PARVA: variants seen among roughly 807,000 people sequenced by gnomAD.
PARVA encodes alpha-parvin.
PARVA carries 25 observed loss-of-function variants against 52.6 expected under a neutral mutation model. That is an observed-to-expected ratio of 0.48 (90% CI 0.35 to 0.66). The LOEUF is 0.66. Among genes scored for constraint, PARVA ranks in the 30% least tolerant of loss-of-function variants. PARVA has a pLI of 0.01. For missense variants in PARVA, 373 were observed against 450.9 expected (o/e 0.83, Z 1.56); for synonymous variants, 185 against 179.1 (o/e 1.03, Z -0.26).
intron 4 of PARVA, among the ~76,000 whole-genome samples, chr11:12,486,769 C>T (rs1019029395): frequency 2.0e-5 from 3 of 152,044 alleles, no homozygotes; most frequent in African/African-American, 4.8e-5. Context: ...TCACTTGAGC[C>T]CAGGAGGCAG....
At chr11:12,449,283 C>T (rs7109714) in intron 1 of PARVA, among the ~76,000 whole-genome samples, 3,670 of 152,090 alleles carry the variant, frequency 0.024, 78 homozygotes, top group South Asian at 0.075. Flanking sequence ...CCTCCCTCCA[C>T]GGTAGCTGGG....
chr11:12,411,007 AG>A (rs1337956999), intron 1 of PARVA, among the ~76,000 whole-genome samples: 3 of 152,174 alleles, frequency 2.0e-5, no homozygotes, highest in African/African-American at 7.2e-5. Context: ...CTAGTTCATG[AG>A]GCTGTTGTGG....
At chr11:12,415,392 T>G (rs1940052032) in intron 1 of PARVA, among the ~76,000 whole-genome samples, 1 of 152,168 alleles carries the variant, frequency 6.6e-6, no homozygotes, top group African/African-American at 2.4e-5. Context: ...ACCCTGCATT[T>G]AAGACATACC....
chr11:12,513,233 C>A (rs1471336031), intron 8 of PARVA, 66 bp from the exon 9 acceptor site: 30 of 1,447,866 alleles, frequency 2.1e-5, no homozygotes, highest in Non-Finnish European at 2.7e-5. Flanking sequence ...GGCTCTGGGA[C>A]CCAAGGTGGG....
intron 1 of PARVA, among the ~76,000 whole-genome samples, chr11:12,428,415 G>A (rs1486314351): frequency 1.3e-5 from 2 of 152,194 alleles, no homozygotes; most frequent in Non-Finnish European, 2.9e-5. Context: ...ATGCAGACAT[G>A]TATGCTTCAA....
chr11:12,525,059 G>A (rs1452676084), intron 12 of PARVA, among the ~76,000 whole-genome samples: 1 of 152,210 alleles, frequency 6.6e-6, no homozygotes, highest in East Asian at 1.9e-4. Context: ...ATAGGCGGAG[G>A]CCAAGCATGG....
At chr11:12,381,753 G>T (rs1367546798) in intron 1 of PARVA, among the ~76,000 whole-genome samples, 2 of 152,190 alleles carry the variant, frequency 1.3e-5, no homozygotes, top group Non-Finnish European at 2.9e-5. Flanking sequence ...AAATACGTTT[G>T]CAAAACTGTG....
At chr11:12,455,717 G>A (rs1172628634) in intron 1 of PARVA, among the ~76,000 whole-genome samples, 1 of 152,120 alleles carries the variant, frequency 6.6e-6, no homozygotes, top group Non-Finnish European at 1.5e-5. Flanking sequence ...TTTATTTAGA[G>A]ACCACAGTCC....
At chr11:12,421,460 T>G (rs1940148843) in intron 1 of PARVA, among the ~76,000 whole-genome samples, 1 of 152,184 alleles carries the variant, frequency 6.6e-6, no homozygotes, top group South Asian at 2.1e-4. Context: ...CAACAGATTT[T>G]TTTTCTTTAA....
In PARVA at chr11:12,460,952, G is replaced by A. The variant is rs376020504; in HGVS notation, c.137-12793G>A. 6.6e-5 allele frequency among the ~76,000 whole-genome samples: 10 copies of A among 152,280 alleles called. No homozygotes were observed. The South Asian group carries it at 1.7e-3, about 25-fold the overall frequency. On this transcript the variant is annotated intron_variant, in intron 1 of 12. Coordinates refer to ENST00000334956, the MANE Select transcript of PARVA (RefSeq NM_018222.5). ...TGCTGCCTCAACCCTGGAAGAGTAC[G>A]CTGCTCTCAGGACTTGGTTCAGGAC...
chr11:12,490,269 A>T (rs1434327379), intron 4 of PARVA, among the ~76,000 whole-genome samples: 2 of 150,988 alleles, frequency 1.3e-5, no homozygotes, highest in African/African-American at 4.9e-5. Flanking sequence ...CACGCCTGTA[A>T]TCCCAGCACT....
chr11:12,533,808 C>CGGAGGAGGAGGA lies in PARVA; in HGVS notation c.*5897_*5908dup, dbSNP rs1554904930. Among the ~76,000 whole-genome samples, 1 of 150,164 alleles carries CGGAGGAGGAGGA rather than the reference C, an allele frequency of 6.7e-6. No homozygotes were observed. Among genetic ancestry groups the CGGAGGAGGAGGA allele is most frequent in the Non-Finnish European group, 1.5e-5 (1 of 67,750 alleles). Reference sequence around the variant, plus strand: ...CCTCATGGTCATCACATTGAGTAGGCGGAGGAGGAGGAGGAGGAGGAGGAG... The same window carrying CGGAGGAGGAGGA: ...CCTCATGGTCATCACATTGAGTAGGCGGAGGAGGAGGAGGAGGAGGAGGAGGAGGAGGAGGAG... On this transcript the variant is annotated 3_prime_UTR_variant, in exon 13 of 13. Transcript: ENST00000334956.
chr11:12,386,993 G>T (rs1939580932), intron 1 of PARVA, among the ~76,000 whole-genome samples: 1 of 152,152 alleles, frequency 6.6e-6, no homozygotes, highest in African/African-American at 2.4e-5. Context: ...TTGTCTCATG[G>T]AATATCTCTA....
intron 5 of PARVA, among the ~76,000 whole-genome samples, chr11:12,503,041 G>A (rs577838369): frequency 6.6e-6 from 1 of 152,232 alleles, no homozygotes; most frequent in South Asian, 2.1e-4. Context: ...CATCTAGTGA[G>A]AAAACTACAA....
intron 5 of PARVA, among the ~76,000 whole-genome samples, chr11:12,496,985 G>C (rs1424272695): frequency 6.6e-6 from 1 of 152,152 alleles, no homozygotes; most frequent in African/African-American, 2.4e-5. Context: ...CTGAGAAGCA[G>C]GGAGCAAGGA....
chr11:12,496,554 A>C lies in PARVA; in HGVS notation c.497A>C (p.Glu166Ala), dbSNP rs771167622. 1 of 1,612,132 alleles carries C rather than the reference A, an allele frequency of 6.2e-7. No homozygotes were observed. Among genetic ancestry groups the C allele is most frequent in the South Asian group, 1.1e-5 (1 of 90,248 alleles). The change falls in exon 5 of 13, where the codon GAA (glutamate) becomes GCA (alanine). Residue 166 changes from glutamate (E) to alanine (A), a missense_variant. By Grantham distance (107) the Glu-to-Ala change is moderately radical (BLOSUM62 -1). Transcript: ENST00000334956. Reference protein sequence around the residue: ...KLQTVLEKINETLKLPPRSIK... With the variant: ...KLQTVLEKINATLKLPPRSIK... ...CAGACTGTCCTGGAGAAGATCAATG[A>C]AACCCTGAAACTTCCTCCCAGGAGC...
intron 4 of PARVA, among the ~76,000 whole-genome samples, chr11:12,493,623 A>AG (rs1941259640): frequency 6.6e-6 from 1 of 150,874 alleles, no homozygotes; most frequent in African/African-American, 2.4e-5. Context: ...AAAAAAAAAA[A>AG]GGAAAAAAAT....
In PARVA at chr11:12,482,026, G is replaced by A. The variant is rs191088383; in HGVS notation, c.400+4077G>A. Reference sequence around the variant, plus strand: ...CTCTTCTAAATACAAAAAATTAGCCGGGCATGGTGGTGCATGCTACTTGCG... The same window carrying A: ...CTCTTCTAAATACAAAAAATTAGCCAGGCATGGTGGTGCATGCTACTTGCG... On this transcript the variant is annotated intron_variant, in intron 4 of 12. Transcript: ENST00000334956. 3.7e-3 allele frequency among the ~76,000 whole-genome samples: 568 copies of A among 151,496 alleles called. 1 individual carries two copies. The highest frequency in any genetic ancestry group is 0.012 in the African/African-American group (511 of 41,314).
intron 1 of PARVA, among the ~76,000 whole-genome samples, chr11:12,390,179 C>T (rs1386419150): frequency 6.6e-6 from 1 of 152,186 alleles, no homozygotes; most frequent in Non-Finnish European, 1.5e-5. Context: ...TAGGCAGAAT[C>T]GTTAATCTGC....
Sources: allele counts gnomAD v4.1 joint callset (sites outside exome capture counted in the v4.1 genomes callset), GRCh38; gene constraint gnomAD v4.1.1; transcripts MANE v1.5; gene names NCBI Gene and HGNC (gene_info 2026-07-23, HGNC 2026-07-21).